HTR2C: variants seen among roughly 807,000 people sequenced by gnomAD.
HTR2C encodes the protein 5-hydroxytryptamine receptor 2C.
Under a neutral mutation model 21.0 loss-of-function variants are expected in HTR2C, and 5 were observed. The observed-to-expected ratio is 0.24, with a 90% CI of 0.12 to 0.50. The LOEUF is 0.50. Among genes scored for constraint, HTR2C ranks in the 20% least tolerant of loss-of-function variants. The probability of loss-of-function intolerance (pLI) is 0.98; values close to 1 mark genes in which losing one functional copy is unlikely to be tolerated. For synonymous variants in HTR2C, 150 were observed against 145.3 expected (o/e 1.03, Z -0.23); for missense variants, 271 against 371.2 (o/e 0.73, Z 2.22).
intron 4 of HTR2C, chrX:114,776,384 G>A: frequency 1.3e-6 from 1 of 753,859 alleles, no homozygotes; most frequent in Non-Finnish European, 2.1e-6. Flanking sequence ...GTAGGCTTCT[G>A]CAATTTCCTT....
intron 2 of HTR2C, among the ~76,000 whole-genome samples, chrX:114,620,198 G>T (rs1929103405): frequency 8.9e-6 from 1 of 111,783 alleles, no homozygotes; most frequent in Admixed American, 9.5e-5. Flanking sequence ...GTACTGCTAT[G>T]ATTTTAAATG....
intron 4 of HTR2C, chrX:114,775,660 A>G: frequency 1.9e-6 from 1 of 532,804 alleles, no homozygotes; most frequent in East Asian, 3.5e-5. Context: ...CTGCCTGGAC[A>G]GCTGCACCAT....
intron 5 of HTR2C, 39 bp downstream of exon 5, chrX:114,848,242 A>G: frequency 1.0e-6 from 1 of 1,004,449 alleles, no homozygotes; most frequent in Non-Finnish European, 1.4e-6. Context: ...TGCAGCGGCT[A>G]TGCTCAATAC....
chrX:114,703,750 CA>C (rs1475483524), intron 2 of HTR2C, among the ~76,000 whole-genome samples: 17 of 110,536 alleles, frequency 1.5e-4, no homozygotes, highest in Non-Finnish European at 3.2e-4. Context: ...AAAAACCCTT[CA>C]AAAAATTATT....
At chrX:114,633,746 A>C (rs1929721544) in intron 2 of HTR2C, among the ~76,000 whole-genome samples, 1 of 109,939 alleles carries the variant, frequency 9.1e-6, no homozygotes, top group Admixed American at 9.8e-5. Context: ...GTGTTTTATT[A>C]ATATGTTCAA....
rs996721174 is a variant in HTR2C, at chrX:114,908,950, G to A, written c.*1535G>A. The A allele has an allele frequency of 2.7e-5, 3 of 112,374 alleles. No individual in the cohort carries two copies. The highest frequency in any genetic ancestry group is 2.8e-4 in the East Asian group (1 of 3,542). The allele number at this position is 112,374 out of a possible 1,213,427, so 9.3% of individuals were successfully genotyped here. The stretch of plus-strand genomic sequence containing the variant: ...AAGAATTCATGATGCTAGTTCTTAC[G>A]CTTGACAGTTACTTACACACCTGAG... On this transcript the variant is annotated 3_prime_UTR_variant, in exon 6 of 6. Coordinates refer to ENST00000276198, the MANE Select transcript of HTR2C (RefSeq NM_000868.4).
At chrX:114,767,778 C>G (rs1556435711) in intron 4 of HTR2C, among the ~76,000 whole-genome samples, 1 of 106,928 alleles carries the variant, frequency 9.4e-6, no homozygotes, top group Non-Finnish European at 1.9e-5. Flanking sequence ...AAAGTAAATT[C>G]CCTGTTGTTT....
chrX:114,907,511 T>C lies in HTR2C; in HGVS notation c.*96T>C, dbSNP rs201958886. On this transcript the variant is annotated 3_prime_UTR_variant, in exon 6 of 6. Transcript: ENST00000276198. ...TGTTGGTCTTAACTAATGTAAATATTGCTGTCTGAAAAAGTGTTTTTACAT... is the reference window on the plus strand; with the variant it reads ...TGTTGGTCTTAACTAATGTAAATATCGCTGTCTGAAAAAGTGTTTTTACAT... The C allele has an allele frequency of 2.4e-5, 15 of 637,285 alleles. No homozygotes were observed. The highest frequency in any genetic ancestry group is 2.0e-4 in the East Asian group (6 of 30,135). 52.5% of individuals were successfully genotyped at this position (637,285 alleles called of 1,213,427 possible).
At chrX:114,851,384 GA>G (rs1290076213) in intron 5 of HTR2C, among the ~76,000 whole-genome samples, 1 of 112,030 alleles carries the variant, frequency 8.9e-6, no homozygotes, top group African/African-American at 3.2e-5. Flanking sequence ...CAAAATAGTA[GA>G]AAAACCTTCG....
chrX:114,848,473 A>T (rs1363857968), intron 5 of HTR2C, among the ~76,000 whole-genome samples: 1 of 111,903 alleles, frequency 8.9e-6, no homozygotes, highest in Non-Finnish European at 1.9e-5. Flanking sequence ...TGCAACACAG[A>T]TACAAAATGT....
At chrX:114,889,446 G>A (rs1569502707) in intron 5 of HTR2C, among the ~76,000 whole-genome samples, 1 of 111,801 alleles carries the variant, frequency 8.9e-6, no homozygotes, top group Admixed American at 9.5e-5. Flanking sequence ...TAAGCAATCC[G>A]ACTGTTTGGG....
chrX:114,707,705 C>A (rs978339911), intron 2 of HTR2C, among the ~76,000 whole-genome samples: 1 of 110,502 alleles, frequency 9.0e-6, no homozygotes, highest in Non-Finnish European at 1.9e-5. Flanking sequence ...TTCCATATTG[C>A]AATTTATGAC....
At chrX:114,735,758 C>G (rs1450367910) in intron 4 of HTR2C, among the ~76,000 whole-genome samples, 2 of 111,823 alleles carry the variant, frequency 1.8e-5, no homozygotes, top group African/African-American at 3.2e-5. Flanking sequence ...TACACACGTT[C>G]TTAAACACCA....
At chrX:114,645,196 G>A (rs1327728782) in intron 2 of HTR2C, among the ~76,000 whole-genome samples, 1 of 110,213 alleles carries the variant, frequency 9.1e-6, no homozygotes, top group Non-Finnish European at 1.9e-5. Context: ...AGAGAATGAA[G>A]TATAAGGAAG....
In HTR2C at chrX:114,659,449, A is replaced by G. The variant is rs782103676; in HGVS notation, c.-80+45568A>G. Among the ~76,000 whole-genome samples, 11 of 111,892 alleles carry G rather than the reference A, an allele frequency of 9.8e-5. No homozygotes were observed. In the South Asian group the frequency reaches 3.7e-3, roughly 38 times the overall value. On this transcript the variant is annotated intron_variant, in intron 2 of 5. Coordinates refer to ENST00000276198, the MANE Select transcript of HTR2C (RefSeq NM_000868.4). ...GAGAAGAACACAGCATCACTTCTGT[A>G]GTATTCTTGCCCCTGCAAAAAAGAA...
intron 4 of HTR2C, among the ~76,000 whole-genome samples, chrX:114,835,478 T>A (rs1392073834): frequency 9.2e-6 from 1 of 108,430 alleles, no homozygotes; most frequent in Non-Finnish European, 1.9e-5. Context: ...GCTGATACCC[T>A]TTCTTCCAGT....
At chrX:114,628,402 C>A (rs1468309999) in intron 2 of HTR2C, among the ~76,000 whole-genome samples, 1 of 46,594 alleles carries the variant, frequency 2.1e-5, no homozygotes, top group Non-Finnish European at 3.7e-5. Context: ...CCATGCCAGG[C>A]TAATTTTTTT....
chrX:114,904,830 T>G (rs1556486165), intron 5 of HTR2C, among the ~76,000 whole-genome samples: 1 of 110,951 alleles, frequency 9.0e-6, no homozygotes, highest in African/African-American at 3.3e-5. Flanking sequence ...GAGATTACCT[T>G]ACGTTTATGA....
intron 4 of HTR2C, among the ~76,000 whole-genome samples, chrX:114,831,566 T>G (rs5988140): frequency 4.6e-5 from 4 of 86,904 alleles, no homozygotes; most frequent in African/African-American, 1.7e-4. Flanking sequence ...TCTTGTAAAT[T>G]TGTTGGAGTT....
Sources: gnomAD v4.1 joint callset for allele counts (sites outside exome capture counted in the v4.1 genomes callset) on GRCh38, gnomAD v4.1.1 for gene constraint, MANE v1.5 for transcripts, NCBI Gene and HGNC (gene_info 2026-07-23, HGNC 2026-07-21) for gene names.